Variants in KCNN2 observed in about 807,000 individuals in gnomAD.
KCNN2 encodes potassium calcium-activated channel subfamily N member 2, also known as small conductance calcium-activated potassium channel protein 2.
Under a neutral mutation model 55.5 loss-of-function variants are expected in KCNN2, and 24 were observed. The observed-to-expected ratio is 0.43, with a 90% CI of 0.31 to 0.61. KCNN2 has a LOEUF of 0.61. Among genes scored for constraint, KCNN2 ranks in the 20% least tolerant of loss-of-function variants. The pLI is 0.08. For synonymous variants in KCNN2, 431 were observed against 336.1 expected (o/e 1.28, Z -3.09); for missense variants, 754 against 853.6 (o/e 0.88, Z 1.45).
intron 1 of KCNN2, among the ~76,000 whole-genome samples, chr5:114,132,010 T>C (rs1752081574): frequency 6.6e-6 from 1 of 152,214 alleles, no homozygotes; most frequent in Admixed American, 6.5e-5. Flanking sequence ...CTAAGTTCCT[T>C]GTAGATTCTG....
Position 114,128,934 on chromosome 5 carries a change from A to G in KCNN2, c.-271+72434A>G, listed in dbSNP as rs544404802. Among the ~76,000 whole-genome samples the G allele has an allele frequency of 2.0e-5, 3 of 152,352 alleles. No homozygotes were observed. In the South Asian group the frequency reaches 6.2e-4, roughly 32 times the overall value. On this transcript the variant is annotated intron_variant, in intron 1 of 10. Coordinates refer to the KCNN2 transcript ENST00000512097. ...GTAATTTTCTAGGTAAATAAAAAGA[A>G]TCATTGTGTTATGCTACATGTATTG...
chr5:114,472,319 C>G (rs1761781588), intron 4 of KCNN2, among the ~76,000 whole-genome samples: 2 of 152,142 alleles, frequency 1.3e-5, no homozygotes, highest in African/African-American at 4.8e-5. Flanking sequence ...TCTTAGAGTA[C>G]CACACAGAGT....
At chr5:114,405,774 G>A (rs1008308790) in intron 3 of KCNN2, among the ~76,000 whole-genome samples, 5 of 151,200 alleles carry the variant, frequency 3.3e-5, no homozygotes, top group Non-Finnish European at 7.4e-5. Flanking sequence ...GCAGTGGCCC[G>A]ATCTCGGCTC....
intron 1 of KCNN2, among the ~76,000 whole-genome samples, chr5:114,212,301 G>A (rs1300223730): frequency 2.0e-5 from 3 of 152,044 alleles, no homozygotes; most frequent in Non-Finnish European, 2.9e-5. Context: ...CCAAAGGATT[G>A]CATGGTGCAT....
intron 2 of KCNN2, among the ~76,000 whole-genome samples, chr5:114,237,317 A>AG (rs531177892): frequency 1.8e-5 from 2 of 109,690 alleles, no homozygotes; most frequent in African/African-American, 2.8e-5. Context: ...CACACCCCAC[A>AG]GAAAAAAAAA....
At chr5:114,491,304 C>G (rs1387630686) in intron 6 of KCNN2, among the ~76,000 whole-genome samples, 1 of 152,060 alleles carries the variant, frequency 6.6e-6, no homozygotes, top group Non-Finnish European at 1.5e-5. Flanking sequence ...TTCTGTGCCA[C>G]TAATACTATA....
chr5:114,268,294 C>T (rs1755252045), intron 2 of KCNN2, among the ~76,000 whole-genome samples: 1 of 152,224 alleles, frequency 6.6e-6, no homozygotes, highest in South Asian at 2.1e-4. Context: ...TACTAATACA[C>T]AATTTTATGA....
chr5:114,106,973 C>T (rs566319425), intron 1 of KCNN2, among the ~76,000 whole-genome samples: 1 of 152,076 alleles, frequency 6.6e-6, no homozygotes, highest in South Asian at 2.1e-4. Context: ...AAGATATTCT[C>T]CTATTCAATC....
At chr5:114,412,992 C>T (rs1759182890) in intron 3 of KCNN2, among the ~76,000 whole-genome samples, 1 of 152,164 alleles carries the variant, frequency 6.6e-6, no homozygotes, top group African/African-American at 2.4e-5. Context: ...CAATGTAATA[C>T]TTTGTAAACT....
At chr5:114,282,611 T>C (rs1186431455) in intron 2 of KCNN2, among the ~76,000 whole-genome samples, 3 of 152,170 alleles carry the variant, frequency 2.0e-5, no homozygotes, top group South Asian at 4.1e-4. Flanking sequence ...GTGATCATGA[T>C]TGAGGCTGGC....
chr5:114,170,352 T>C (rs1416791697), intron 1 of KCNN2, among the ~76,000 whole-genome samples: 2 of 152,082 alleles, frequency 1.3e-5, no homozygotes, highest in African/African-American at 2.4e-5. Flanking sequence ...AGATCCTATA[T>C]GGGTTTTATT....
At chr5:114,287,548 G>A (rs1258563226) in intron 2 of KCNN2, among the ~76,000 whole-genome samples, 1 of 151,738 alleles carries the variant, frequency 6.6e-6, no homozygotes, top group Admixed American at 6.6e-5. Context: ...AGTTGAACAA[G>A]GAGAACACAT....
chr5:114,178,875 C>G (rs1753185721), intron 1 of KCNN2, among the ~76,000 whole-genome samples: 2 of 152,150 alleles, frequency 1.3e-5, no homozygotes, highest in Non-Finnish European at 2.9e-5. Flanking sequence ...AGCAGAAATA[C>G]CTGGCAAGTA....
chr5:114,169,989 C>T (rs7719809), intron 1 of KCNN2, among the ~76,000 whole-genome samples: 31,135 of 151,946 alleles, frequency 0.2, 3,607 homozygotes, highest in South Asian at 0.31. Context: ...TTGATGCACA[C>T]CTTCCTGCTA....
chr5:114,371,517 C>G (rs1228023492), intron 2 of KCNN2, among the ~76,000 whole-genome samples: 3 of 152,200 alleles, frequency 2.0e-5, no homozygotes, highest in East Asian at 1.9e-4. Flanking sequence ...ACCAAGGTCT[C>G]TTAACATGGG....
chr5:114,375,735 C>A (rs1419030378), intron 2 of KCNN2, among the ~76,000 whole-genome samples: 1 of 151,632 alleles, frequency 6.6e-6, no homozygotes, highest in Non-Finnish European at 1.5e-5. Flanking sequence ...TTGTCAGCAT[C>A]AAAGAGGATA....
intron 2 of KCNN2, among the ~76,000 whole-genome samples, chr5:114,322,806 T>A (rs1397301356): frequency 6.6e-6 from 1 of 152,218 alleles, no homozygotes; most frequent in African/African-American, 2.4e-5. Context: ...ATAAAATGCT[T>A]CTTTTTTAAC....
rs1554084191 is a variant in KCNN2 at position 114,373,658 on chromosome 5, A to ATATATATATATATATATATATATATAT, written c.1218+9657_1218+9658insTATATATATATATATATATATATATAT. Among the ~76,000 whole-genome samples the ATATATATATATATATATATATATATAT allele has an allele frequency of 1.2e-3, 129 of 104,440 alleles. 1 individual carries two copies. Among genetic ancestry groups the ATATATATATATATATATATATATATAT allele is most frequent in the East Asian group, 2.3e-3 (6 of 2,606 alleles). The allele number at this position is 104,440 out of a possible 152,430, so 68.5% of individuals were successfully genotyped here. A position where few individuals can be genotyped will look rare whatever the true frequency, so the allele number is the denominator to read the frequency against. Reference sequence around the variant, plus strand: ...GAAGATTTTATATATATATATATATAAAATTACTTGGAACACTGCCTGGCA... The same window carrying ATATATATATATATATATATATATATAT: ...GAAGATTTTATATATATATATATATATATATATATATATATATATATATATATAAATTACTTGGAACACTGCCTGGCA... On this transcript the variant is annotated intron_variant, in intron 2 of 7. Coordinates refer to ENST00000673685, the MANE Select transcript of KCNN2 (RefSeq NM_021614.4).
chr5:114,258,090 A>G (rs1755018348), intron 2 of KCNN2, among the ~76,000 whole-genome samples: 2 of 152,134 alleles, frequency 1.3e-5, no homozygotes, highest in African/African-American at 4.8e-5. Context: ...TTTTGCATCT[A>G]TTGAGATGAT....
Sources: gnomAD v4.1 joint callset for allele counts (sites outside exome capture counted in the v4.1 genomes callset) on GRCh38, gnomAD v4.1.1 for gene constraint, MANE v1.5 for transcripts, NCBI Gene and HGNC (gene_info 2026-07-23, HGNC 2026-07-21) for gene names.